Variants in KIF1B observed in about 807,000 individuals in gnomAD.
KIF1B encodes kinesin family member 1B.
A neutral mutation model predicts 241.9 loss-of-function variants in KIF1B; 76 were observed. The observed-to-expected ratio is 0.31, with a 90% CI of 0.26 to 0.38. KIF1B has a LOEUF of 0.38. Among genes scored for constraint, KIF1B ranks in the 10% least tolerant of loss-of-function variants. KIF1B has a pLI of 1.00. For missense variants in KIF1B, 1,622 were observed against 2,271.4 expected, an observed-to-expected ratio of 0.71 and a Z score of 5.81; for synonymous variants, 750 against 796.7, an observed-to-expected ratio of 0.94 and a Z score of 0.99.
chr1:10,305,565 G>T, intron 22 of KIF1B: 2 of 1,059,024 alleles, frequency 1.9e-6, no homozygotes, highest in Non-Finnish European at 2.3e-6. Flanking sequence ...CTGTGGTGCT[G>T]CTTTTTTCCA....
At chr1:10,289,782 G>C (rs958463245) in intron 15 of KIF1B, among the ~76,000 whole-genome samples, 1 of 152,154 alleles carries the variant, frequency 6.6e-6, no homozygotes, top group Non-Finnish European at 1.5e-5. Context: ...TACTCAGGAG[G>C]CTGGGACAGG....
intron 1 of KIF1B, among the ~76,000 whole-genome samples, chr1:10,217,339 TTTTC>T (rs752193723): frequency 7.2e-6 from 1 of 138,224 alleles, no homozygotes; most frequent in African/African-American, 2.6e-5. Flanking sequence ...TACTCTTTCT[TTTTC>T]TTTTTTTTTT....
chr1:10,240,720 C>CTTTTTTTTTTTTTTTTTTTT (rs771359959), intron 2 of KIF1B, among the ~76,000 whole-genome samples: 1 of 103,798 alleles, frequency 9.6e-6, no homozygotes. Flanking sequence ...ATGGGTAGTT[C>CTTTTTTTTTTTTTTTTTTTT]ATTTTTTTTT....
chr1:10,259,806 AT>A (rs901498798), intron 4 of KIF1B, among the ~76,000 whole-genome samples: 42 of 148,618 alleles, frequency 2.8e-4, no homozygotes, highest in African/African-American at 7.6e-4. Flanking sequence ...GGCCTTTAAA[AT>A]TTTTTTTTTA....
intron 2 of KIF1B, among the ~76,000 whole-genome samples, chr1:10,243,380 C>G (rs945890137): frequency 6.6e-6 from 1 of 152,194 alleles, no homozygotes; most frequent in East Asian, 1.9e-4. Context: ...GTTCGTGCCA[C>G]TGCACTCCAG....
intron 10 of KIF1B, among the ~76,000 whole-genome samples, chr1:10,273,999 C>T (rs561902834): frequency 4.8e-5 from 7 of 146,928 alleles, no homozygotes; most frequent in Non-Finnish European, 7.4e-5. Flanking sequence ...TACAGTGGCA[C>T]GATCTCGGCT....
chr1:10,360,555 G>A (rs1638393540), intron 38 of KIF1B, among the ~76,000 whole-genome samples: 2 of 151,680 alleles, frequency 1.3e-5, no homozygotes, highest in Admixed American at 1.3e-4. Flanking sequence ...CGTGGTGGCG[G>A]GCGCCTGTAA....
intron 22 of KIF1B, among the ~76,000 whole-genome samples, chr1:10,319,763 C>T (rs1435671410): frequency 6.6e-6 from 1 of 152,172 alleles, no homozygotes; most frequent in Non-Finnish European, 1.5e-5. Flanking sequence ...TTTCTCCTAC[C>T]ACTACCCCAG....
chr1:10,365,795 T>C lies in KIF1B; in HGVS notation c.4752+147T>C. ...TGTAGAAATAAAAAGACGCAGTTCC[T>C]ACCCTCAACAAGCTTACAGGGCCAG... is the stretch of plus-strand genomic sequence containing the variant. On this transcript the variant is annotated intron_variant, in intron 43 of 48. Transcript: ENST00000676179. The surrounding 1 kb of genome is among the most constrained non-coding windows in gnomAD (Gnocchi z 4.0). The C allele has an allele frequency of 1.7e-6, 2 of 1,176,404 alleles. No homozygotes were observed. Among genetic ancestry groups the C allele is most frequent in the Non-Finnish European group, 2.5e-6 (2 of 815,242 alleles). The allele number at this position is 1,176,404 out of a possible 1,614,324, so 72.9% of individuals were successfully genotyped here.
chr1:10,283,241 A>G lies in KIF1B; in HGVS notation c.1434+708A>G, dbSNP rs559331731. On this transcript the variant is annotated intron_variant, in intron 15 of 48. Transcript: ENST00000676179. ...AAAAAAAAAAAAAAAAGATAAAGTT[A>G]GAACATTTGAGTAGCTGTTCCAGGT... 1.7e-3 allele frequency among the ~76,000 whole-genome samples: 244 copies of G among 147,148 alleles called. 2 individuals carry two copies. The highest frequency in any genetic ancestry group is 5.7e-3 in the African/African-American group (229 of 39,950).
At chr1:10,327,488 C>T (rs1214658935) in intron 27 of KIF1B, among the ~76,000 whole-genome samples, 3 of 139,132 alleles carry the variant, frequency 2.2e-5, no homozygotes, top group East Asian at 2.0e-4. Context: ...GTGACAAGAG[C>T]GAAACTCCGT....
At position 10,365,779 on chromosome 1, in the gene KIF1B, A is replaced by G. The variant is rs557071296; in HGVS notation, c.4752+131A>G. ...GTGATAATACTGTGAATGTAGAAAT[A>G]AAAAGACGCAGTTCCTACCCTCAAC... On this transcript the variant is annotated intron_variant, in intron 43 of 48. Transcript: ENST00000676179. The surrounding 1 kb of genome is among the most constrained non-coding windows in gnomAD (Gnocchi z 4.0). 458 of 1,310,716 alleles carry G rather than the reference A, an allele frequency of 3.5e-4. 2 individuals are homozygous for G. The African/African-American group carries it at 5.9e-3, about 17-fold the overall frequency. 81.2% of individuals were successfully genotyped at this position (1,310,716 alleles called of 1,614,324 possible).
At chr1:10,357,923 C>T (rs866534262) in intron 38 of KIF1B, among the ~76,000 whole-genome samples, 10 of 151,200 alleles carry the variant, frequency 6.6e-5, no homozygotes, top group South Asian at 2.1e-4. Flanking sequence ...GCAGGAGAAT[C>T]GCTTAAACCC....
rs1017989700 is a variant in KIF1B at position 10,356,294 on chromosome 1, G to A, written c.4055+3558G>A. On this transcript the variant is annotated intron_variant, in intron 38 of 48. Coordinates refer to ENST00000676179, the MANE Select transcript of KIF1B (RefSeq NM_001365951.3). The stretch of plus-strand genomic sequence containing the variant: ...GGCAGAGGATCGCTTGAACCCGGGA[G>A]GCGGAGGTTGCAGTGAGCCGAGATC... Among the ~76,000 whole-genome samples the A allele has an allele frequency of 5.9e-5, 9 of 152,238 alleles. No individual in the cohort carries two copies. The East Asian group carries it at 1.7e-3, about 29-fold the overall frequency.
Position 10,278,095 on chromosome 1 carries a change from C to T in KIF1B, c.1147C>T (p.Leu383Phe). ...KEEVTRLKDL[L>F]RAQGLGDIID... ...GGAGGTGACACGGCTGAAGGACCTT[C>T]TTCGTGCTCAGGGCCTGGGAGATAT... Residue 383 changes from leucine (L) to phenylalanine (F), a missense_variant, in exon 13 of 49, where the codon CTT (leucine) becomes TTT (phenylalanine). By Grantham distance (22) the Leu-to-Phe change is conservative. This residue lies in a region of KIF1B where 201 missense variants were observed against 301.2 expected (regional missense o/e 0.67). Transcript: ENST00000676179. 1 of 1,614,044 alleles carries T rather than the reference C, an allele frequency of 6.2e-7. No individual in the cohort carries two copies. The highest frequency in any genetic ancestry group is 2.2e-5 in the East Asian group (1 of 44,870).
rs1651718647 is a variant in KIF1B at position 10,326,241 on chromosome 1, G to C, written c.2806G>C (p.Asp936His). Residue 936 changes from aspartate to histidine, a missense_variant, in exon 27 of 49, where the codon GAT (aspartate) becomes CAT (histidine). Physicochemically the swap from Asp to His is moderately conservative, Grantham distance 81. Transcript: ENST00000676179. The surrounding 1 kb of genome is among the most constrained non-coding windows in gnomAD (Gnocchi z 5.2). ...GCAAGATGAGATGGAGGATTTTGAT[G>C]ATGAGGCATTCGTGGATGACGCCGG... ...EQQDEMEDFD[D>H]EAFVDDAGSD... The C allele has an allele frequency of 6.2e-7, 1 of 1,614,060 alleles. No homozygotes were observed. Among genetic ancestry groups the C allele is most frequent in the Non-Finnish European group, 8.5e-7 (1 of 1,180,040 alleles).
intron 45 of KIF1B, among the ~76,000 whole-genome samples, chr1:10,372,661 GAGCTGTCACCCAAGCTGGCGCGC>G (rs1638773750): frequency 8.3e-6 from 1 of 120,528 alleles, no homozygotes; most frequent in South Asian, 3.2e-4. Flanking sequence ...TTGGGTGACA[GAGCTGTCACCCAAGCTGGCGCGC>G]AGCGGCGCAA....
At chr1:10,232,529 T>C in intron 2 of KIF1B, 95 bp downstream of exon 2, 2 of 870,954 alleles carry the variant, frequency 2.3e-6, no homozygotes, top group Admixed American at 2.0e-5. Context: ...AACATCTGTA[T>C]GTTAACACTT....
At chr1:10,300,730 A>G (rs934769732) in intron 22 of KIF1B, among the ~76,000 whole-genome samples, 1 of 152,200 alleles carries the variant, frequency 6.6e-6, no homozygotes, top group Non-Finnish European at 1.5e-5. Flanking sequence ...TTTGCAAAAA[A>G]TCCTCTTCAG....
Sources: allele counts gnomAD v4.1 joint callset (sites outside exome capture counted in the v4.1 genomes callset), GRCh38; gene constraint gnomAD v4.1.1; regional missense constraint gnomAD v4.1.1; non-coding constraint Gnocchi (gnomAD v3.1); transcripts MANE v1.5; gene names NCBI Gene and HGNC (gene_info 2026-07-23, HGNC 2026-07-21).